Variants in ACTR3C observed in about 807,000 individuals in gnomAD.
ACTR3C encodes actin-related protein 3C.
In ACTR3C, 18 loss-of-function variants were observed where a neutral mutation model predicts 26.3. The observed-to-expected ratio is 0.68, with a 90% CI of 0.47 to 1.01. The LOEUF (loss-of-function observed/expected upper bound fraction) is 1.01, where lower values mean the gene tolerates loss of function less well. ACTR3C is among the 50% of genes least tolerant of loss of function. The pLI, the probability that ACTR3C is intolerant of heterozygous loss-of-function variation, is 0.00. For missense variants in ACTR3C, 184 were observed against 250.7 expected (o/e 0.73, Z 1.80); for synonymous variants, 55 against 94.5 (o/e 0.58, Z 2.42).
the ACTR3C span, among the ~76,000 whole-genome samples, chr7:150,208,304 G>A: frequency 1.4e-4 from 22 of 152,286 alleles, no homozygotes; most frequent in Middle Eastern, 3.4e-3. Flanking sequence ...CGGAAAGAGA[G>A]CTTTGGAGAT....
the ACTR3C span, among the ~76,000 whole-genome samples, chr7:150,080,185 A>T: frequency 1.5e-4 from 22 of 151,542 alleles, no homozygotes; most frequent in African/African-American, 4.9e-4. Flanking sequence ...TAATCTTTTA[A>T]TGTTCTCTAA....
At chr7:150,047,892 T>C in the ACTR3C span, 1 of 1,407,510 alleles carries the variant, frequency 7.1e-7, no homozygotes, top group East Asian at 3.2e-5. Flanking sequence ...TTAGGGCTTT[T>C]TAATATTTTG....
chr7:150,014,446 A>C, the ACTR3C span, among the ~76,000 whole-genome samples: 4 of 110,252 alleles, frequency 3.6e-5, no homozygotes, highest in South Asian at 3.6e-4. Flanking sequence ...ACAGAGTGAG[A>C]CTCCGTCTCA....
the ACTR3C span, among the ~76,000 whole-genome samples, chr7:150,144,235 G>A: frequency 6.6e-6 from 1 of 152,120 alleles, no homozygotes; most frequent in Non-Finnish European, 1.5e-5. The surrounding 1 kb of genome is among the most constrained non-coding windows in gnomAD (Gnocchi z 4.6). Flanking sequence ...CTTTGAAAAT[G>A]CACTTGAGTG....
chr7:149,881,906 A>ATCTT, the ACTR3C span: 1 of 153,302 alleles, frequency 6.5e-6, no homozygotes, highest in Non-Finnish European at 1.5e-5. Context: ...GTCAGCTGGC[A>ATCTT]TCTTTGGTGA....
At chr7:150,020,113 T>A in the ACTR3C span, among the ~76,000 whole-genome samples, 4 of 152,136 alleles carry the variant, frequency 2.6e-5, no homozygotes, top group Non-Finnish European at 4.4e-5. Flanking sequence ...AGTGCAACAA[T>A]GCAAAGGCAT....
chr7:150,195,213 C>T, the ACTR3C span, among the ~76,000 whole-genome samples: 1 of 150,730 alleles, frequency 6.6e-6, no homozygotes, highest in African/African-American at 2.4e-5. Context: ...TTATAACATC[C>T]CTACACCATA....
the ACTR3C span, among the ~76,000 whole-genome samples, chr7:149,915,224 A>C: frequency 6.6e-6 from 1 of 151,810 alleles, no homozygotes. Context: ...TAACTAAGGA[A>C]ATTAAGTGAA....
At chr7:150,040,757 G>C in the ACTR3C span, 1 of 146,866 alleles carries the variant, frequency 6.8e-6, no homozygotes, top group Non-Finnish European at 1.5e-5. Context: ...GGCGTCCTAA[G>C]CCAGTGGGGG....
chr7:150,223,481 TGTTTG>T, the ACTR3C span, among the ~76,000 whole-genome samples: 4 of 98,682 alleles, frequency 4.1e-5, no homozygotes, highest in African/African-American at 3.0e-4. Context: ...AGGGTTTTTT[TGTTTG>T]TTTGTTTGTT....
chr7:150,253,501 T>G (rs1303586746), intron 6 of ACTR3C, among the ~76,000 whole-genome samples: 1 of 152,214 alleles, frequency 6.6e-6, no homozygotes, highest in Non-Finnish European at 1.5e-5. Context: ...AAAGTTTTGC[T>G]GTAACCTGAG....
At chr7:150,233,156 G>A in the ACTR3C span, among the ~76,000 whole-genome samples, 10 of 151,876 alleles carry the variant, frequency 6.6e-5, no homozygotes, top group African/African-American at 1.9e-4. Flanking sequence ...AGGTCTGATG[G>A]TGATTATTTC....
chr7:150,072,363 A>G, the ACTR3C span, among the ~76,000 whole-genome samples: 9 of 125,680 alleles, frequency 7.2e-5, no homozygotes, highest in South Asian at 2.3e-3. Flanking sequence ...TTGGCCAGAC[A>G]AGGAAAGTGA....
chr7:150,126,031 G>A, the ACTR3C span, among the ~76,000 whole-genome samples: 4 of 152,146 alleles, frequency 2.6e-5, no homozygotes, highest in Admixed American at 1.3e-4. Context: ...TGACTGCCTT[G>A]CACCAGAGTC....
At chr7:150,062,307 T>C in the ACTR3C span, 16 of 67,868 alleles carry the variant, frequency 2.4e-4, no homozygotes, top group Non-Finnish European at 3.3e-4. Flanking sequence ...TGATTTTTTT[T>C]TAAAATTGAA....
the ACTR3C span, among the ~76,000 whole-genome samples, chr7:150,046,074 A>G: frequency 6.6e-6 from 1 of 152,312 alleles, no homozygotes; most frequent in Admixed American, 6.5e-5. Flanking sequence ...AAAGTGAGGG[A>G]CATGCCTTTG....
the ACTR3C span, among the ~76,000 whole-genome samples, chr7:150,030,716 T>C: frequency 6.6e-5 from 10 of 152,194 alleles, no homozygotes; most frequent in African/African-American, 9.7e-5. Flanking sequence ...TCTAGCACCC[T>C]TGAAGGTCCT....
intron 1 of ACTR3C, among the ~76,000 whole-genome samples, chr7:150,318,674 A>G (rs779807073): frequency 3.9e-5 from 6 of 152,200 alleles, no homozygotes; most frequent in Non-Finnish European, 5.9e-5. Context: ...AGGCAGAAGA[A>G]TCGCTTGAAC....
intron 6 of ACTR3C, among the ~76,000 whole-genome samples, chr7:150,263,141 T>C (rs554360919): frequency 0.017 from 2,629 of 151,900 alleles, 17 homozygotes; most frequent in Non-Finnish European, 0.027. Flanking sequence ...ATGATGATAA[T>C]TTAATATGGC....
Sources: allele counts gnomAD v4.1 joint callset (sites outside exome capture counted in the v4.1 genomes callset), GRCh38; gene constraint gnomAD v4.1.1; non-coding constraint Gnocchi (gnomAD v3.1); transcripts MANE v1.5; gene names NCBI Gene and HGNC (gene_info 2026-07-23, HGNC 2026-07-21).